DOK6: variants seen among roughly 807,000 people sequenced by gnomAD.
DOK6 encodes downstream of tyrosine kinase 6.
In DOK6, 22 loss-of-function variants were observed where a neutral mutation model predicts 44.0. The observed-to-expected ratio is 0.50, with a 90% CI of 0.36 to 0.71. The LOEUF (loss-of-function observed/expected upper bound fraction) is 0.71, where lower values mean the gene tolerates loss of function less well. DOK6 is among the 30% of genes least tolerant of loss of function. The probability of loss-of-function intolerance (pLI) is 0.00; values close to 1 mark genes in which losing one functional copy is unlikely to be tolerated. For missense variants in DOK6, 340 were observed against 416.4 expected (o/e 0.82, Z 1.60); for synonymous variants, 166 against 145.5 (o/e 1.14, Z -1.01).
At chr18:69,795,658 GC>G (rs1170401741) in intron 7 of DOK6, among the ~76,000 whole-genome samples, 6 of 152,124 alleles carry the variant, frequency 3.9e-5, no homozygotes, top group African/African-American at 1.4e-4. Flanking sequence ...TAGGCAAAAG[GC>G]CAGGCCCTCT....
At chr18:69,574,931 G>C (rs1255703179) in intron 2 of DOK6, among the ~76,000 whole-genome samples, 1 of 151,960 alleles carries the variant, frequency 6.6e-6, no homozygotes, top group Admixed American at 6.6e-5. Flanking sequence ...ATGGAGAAAG[G>C]TACGTGAATG....
At chr18:69,438,774 T>C (rs1405506844) in intron 1 of DOK6, among the ~76,000 whole-genome samples, 6 of 152,118 alleles carry the variant, frequency 3.9e-5, no homozygotes, top group Non-Finnish European at 7.4e-5. Context: ...TTAGCAGGCA[T>C]AAAAATGACA....
At chr18:69,443,978 C>T (rs947602459) in intron 1 of DOK6, among the ~76,000 whole-genome samples, 10 of 150,732 alleles carry the variant, frequency 6.6e-5, no homozygotes, top group African/African-American at 1.7e-4. Flanking sequence ...TATATATATA[C>T]ACACACAATA....
rs1986637752 is a variant in DOK6, at chr18:69,706,524, T to TA, written c.599+7931_599+7932insA. On this transcript the variant is annotated intron_variant, in intron 5 of 7. Coordinates refer to ENST00000382713, the MANE Select transcript of DOK6 (RefSeq NM_152721.6). Reference sequence around the variant, plus strand: ...TACAATCAAGAAACTCTTTTTTTTTTTAATTTTATTATTATTATACTTTAA... The same window carrying TA: ...TACAATCAAGAAACTCTTTTTTTTTTATAATTTTATTATTATTATACTTTAA... Among the ~76,000 whole-genome samples the TA allele has an allele frequency of 5.9e-5, 9 of 151,440 alleles. No homozygotes were observed. The South Asian group carries it at 8.3e-4, about 14-fold the overall frequency.
At chr18:69,635,539 A>G (rs1021638718) in intron 3 of DOK6, among the ~76,000 whole-genome samples, 28 of 152,198 alleles carry the variant, frequency 1.8e-4, no homozygotes, top group Non-Finnish European at 1.8e-4. Flanking sequence ...GAATGGCTTT[A>G]GACAACACAC....
At chr18:69,728,571 T>G (rs749459444) in intron 5 of DOK6, among the ~76,000 whole-genome samples, 1 of 152,096 alleles carries the variant, frequency 6.6e-6, no homozygotes, top group African/African-American at 2.4e-5. Context: ...CCTTGGTAGA[T>G]TAGGGGAAAA....
chr18:69,490,183 GCT>G (rs1568274586), intron 1 of DOK6, among the ~76,000 whole-genome samples: 1 of 152,144 alleles, frequency 6.6e-6, no homozygotes, highest in African/African-American at 2.4e-5. Context: ...ATGGGTGAAT[GCT>G]CTGTTTGCAT....
At chr18:69,799,738 A>G (rs974131977) in intron 7 of DOK6, among the ~76,000 whole-genome samples, 1 of 152,064 alleles carries the variant, frequency 6.6e-6, no homozygotes, top group African/African-American at 2.4e-5. Context: ...ATACAGCATA[A>G]TAAATCTGAG....
intron 1 of DOK6, among the ~76,000 whole-genome samples, chr18:69,531,915 G>T (rs1448795020): frequency 6.6e-6 from 1 of 152,138 alleles, no homozygotes; most frequent in Non-Finnish European, 1.5e-5. Context: ...GATGATATTA[G>T]GAGATGGGGT....
chr18:69,591,183 A>T (rs1019886212), intron 2 of DOK6, among the ~76,000 whole-genome samples: 1 of 152,158 alleles, frequency 6.6e-6, no homozygotes, highest in Admixed American at 6.5e-5. Flanking sequence ...AGTAGTAAGA[A>T]ATACTAATTT....
intron 7 of DOK6, among the ~76,000 whole-genome samples, chr18:69,801,348 C>T (rs1980901168): frequency 1.3e-5 from 2 of 152,258 alleles, no homozygotes; most frequent in Non-Finnish European, 2.9e-5. Context: ...TGTTTGCTTG[C>T]TTCTGCTATT....
Position 69,757,778 on chromosome 18 carries a change from C to T in DOK6, c.761C>T (p.Pro254Leu). 1 of 1,614,088 alleles carries T rather than the reference C, an allele frequency of 6.2e-7. No individual in the cohort carries two copies. The highest frequency in any genetic ancestry group is 8.5e-7 in the Non-Finnish European group (1 of 1,179,976). Residue 254 changes from proline (P) to leucine (L), a missense_variant, in exon 7 of 8, where the codon CCA (proline) becomes CTA (leucine). By Grantham distance (98) the Pro-to-Leu change is moderately conservative. This residue lies in a region of DOK6 where 112 missense variants were observed against 109.3 expected (regional missense o/e 1.02). Coordinates refer to ENST00000382713, the MANE Select transcript of DOK6 (RefSeq NM_152721.6). ...KARLQTSLTE[P>L]MTLSKSISLP... ...TAGCTTCAGACAAGCTTGACTGAAC[C>T]AATGACATTATCCAAATCAATATCT...
intron 1 of DOK6, among the ~76,000 whole-genome samples, chr18:69,506,671 T>A (rs937665530): frequency 1.3e-5 from 2 of 152,164 alleles, no homozygotes; most frequent in Admixed American, 6.5e-5. Context: ...ATGTGAGCCA[T>A]TTCCACATCT....
chr18:69,434,907 C>T (rs992874009), intron 1 of DOK6, among the ~76,000 whole-genome samples: 2 of 115,700 alleles, frequency 1.7e-5, no homozygotes, highest in Non-Finnish European at 3.3e-5. Flanking sequence ...GGCGACAGAG[C>T]GAGGCTCTGT....
intron 2 of DOK6, among the ~76,000 whole-genome samples, chr18:69,590,835 G>C (rs1441021547): frequency 1.3e-5 from 2 of 152,142 alleles, no homozygotes; most frequent in Non-Finnish European, 2.9e-5. Context: ...ATAGGTAGGA[G>C]AATGTTCAAG....
chr18:69,473,832 A>G lies in DOK6; in HGVS notation c.66+72522A>G, dbSNP rs552292225. On this transcript the variant is annotated intron_variant, in intron 1 of 7. Transcript: ENST00000382713. ...CACTGGAGGGAAACTGTCTCCTACGATTACAAATAGAAGCAGGATATGTTC... is the reference window on the plus strand; with the variant it reads ...CACTGGAGGGAAACTGTCTCCTACGGTTACAAATAGAAGCAGGATATGTTC... 1.3e-5 allele frequency among the ~76,000 whole-genome samples: 2 copies of G among 152,316 alleles called. 1 individual carries two copies. Among genetic ancestry groups the G allele is most frequent in the African/African-American group, 4.8e-5 (2 of 41,568 alleles).
At chr18:69,557,251 G>GA (rs2144592503) in intron 1 of DOK6, among the ~76,000 whole-genome samples, 1 of 152,180 alleles carries the variant, frequency 6.6e-6, no homozygotes, top group Non-Finnish European at 1.5e-5. Context: ...AAATTCTTCC[G>GA]AGTTTCTAAC....
chr18:69,667,167 G>A (rs1436062757), intron 3 of DOK6, among the ~76,000 whole-genome samples: 1 of 152,186 alleles, frequency 6.6e-6, no homozygotes, highest in East Asian at 1.9e-4. Context: ...CTTTATGATG[G>A]TCTTTCCAAC....
At chr18:69,466,745 A>G (rs1161890680) in intron 1 of DOK6, among the ~76,000 whole-genome samples, 1 of 151,892 alleles carries the variant, frequency 6.6e-6, no homozygotes, top group African/African-American at 2.4e-5. Flanking sequence ...GAAAAATCCC[A>G]AAGACTCAAG....
Sources: allele counts gnomAD v4.1 joint callset (sites outside exome capture counted in the v4.1 genomes callset), GRCh38; gene constraint gnomAD v4.1.1; regional missense constraint gnomAD v4.1.1; transcripts MANE v1.5; gene names NCBI Gene and HGNC (gene_info 2026-07-23, HGNC 2026-07-21).